GPC5: variants seen among roughly 807,000 people sequenced by gnomAD.
GPC5 encodes glypican 5, also known as glypican-5.
Under a neutral mutation model 53.9 loss-of-function variants are expected in GPC5, and 47 were observed. The ratio of observed to expected loss-of-function variants is 0.87; its 90% confidence interval spans 0.69 to 1.11. The LOEUF (loss-of-function observed/expected upper bound fraction) is 1.11. GPC5 is among the 50% of genes most tolerant of loss of function. The pLI is 0.00. For missense variants in GPC5, 748 were observed against 713.1 expected (o/e 1.05, Z -0.56); for synonymous variants, 286 against 263.3 (o/e 1.09, Z -0.84).
At chr13:92,241,406 G>A (rs1037145051) in intron 7 of GPC5, 2 of 152,150 alleles carry the variant, frequency 1.3e-5, no homozygotes, top group African/African-American at 4.8e-5. Context: ...AAAATTTTAT[G>A]AGCAAATGCT....
intron 7 of GPC5, among the ~76,000 whole-genome samples, chr13:92,342,770 C>G (rs1389032606): frequency 1.3e-5 from 2 of 151,972 alleles, no homozygotes; most frequent in Non-Finnish European, 2.9e-5. Flanking sequence ...TTCATTAATT[C>G]TCATTGTTTT....
intron 2 of GPC5, among the ~76,000 whole-genome samples, chr13:91,453,615 C>A (rs570783497): frequency 6.6e-6 from 1 of 151,638 alleles, no homozygotes; most frequent in South Asian, 2.1e-4. Context: ...AGAGAACAGG[C>A]AGCCTAGGCT....
chr13:92,556,008 T>C (rs1882482232), intron 7 of GPC5, among the ~76,000 whole-genome samples: 2 of 151,714 alleles, frequency 1.3e-5, no homozygotes, highest in Admixed American at 1.3e-4. Flanking sequence ...TGTGGCTGAA[T>C]CACTTTCAGT....
At chr13:92,559,684 C>T (rs1486724776) in intron 7 of GPC5, among the ~76,000 whole-genome samples, 2 of 151,652 alleles carry the variant, frequency 1.3e-5, no homozygotes, top group East Asian at 3.9e-4. Flanking sequence ...AAACTGGCCA[C>T]CCTGACTTAC....
At chr13:92,284,983 C>T (rs1240703677) in intron 7 of GPC5, among the ~76,000 whole-genome samples, 2 of 152,114 alleles carry the variant, frequency 1.3e-5, no homozygotes, top group Non-Finnish European at 2.9e-5. Flanking sequence ...GATTGTATAT[C>T]TAGATAACCC....
intron 2 of GPC5, among the ~76,000 whole-genome samples, chr13:91,667,013 A>G (rs992546918): frequency 2.0e-5 from 3 of 152,334 alleles, no homozygotes; most frequent in African/African-American, 4.8e-5. Context: ...TGGCTGTAGC[A>G]TTTCACCATA....
chr13:92,620,107 T>A (rs1449756763), intron 7 of GPC5, among the ~76,000 whole-genome samples: 1 of 152,132 alleles, frequency 6.6e-6, no homozygotes, highest in Non-Finnish European at 1.5e-5. Context: ...TTATTATTAA[T>A]CTTCCATACC....
chr13:92,113,679 T>C (rs2041576197), intron 6 of GPC5, among the ~76,000 whole-genome samples: 1 of 152,094 alleles, frequency 6.6e-6, no homozygotes, highest in East Asian at 1.9e-4. Flanking sequence ...AAATCATAAA[T>C]GAAATATCTA....
intron 2 of GPC5, among the ~76,000 whole-genome samples, chr13:91,629,180 A>G (rs1263823573): frequency 6.6e-6 from 1 of 152,136 alleles, no homozygotes; most frequent in Admixed American, 6.6e-5. Flanking sequence ...TGGGAGTACG[A>G]CAGGAATTAT....
chr13:92,499,003 C>G (rs1344377139), intron 7 of GPC5, among the ~76,000 whole-genome samples: 1 of 151,912 alleles, frequency 6.6e-6, no homozygotes, highest in Admixed American at 6.6e-5. Flanking sequence ...CTGAAAGATA[C>G]TAGAAACCTC....
intron 2 of GPC5, among the ~76,000 whole-genome samples, chr13:91,571,065 A>T (rs1039631654): frequency 6.6e-6 from 1 of 151,926 alleles, no homozygotes; most frequent in African/African-American, 2.4e-5. Flanking sequence ...TTCTTGTTGT[A>T]TTTGGCTTTA....
At chr13:92,293,314 ATTTG>A (rs1352852205) in intron 7 of GPC5, among the ~76,000 whole-genome samples, 1 of 148,218 alleles carries the variant, frequency 6.7e-6, no homozygotes, top group African/African-American at 2.5e-5. Context: ...ATGTGTTTCC[ATTTG>A]TTTGTGTCAT....
At chr13:92,559,471 A>G (rs901516108) in intron 7 of GPC5, among the ~76,000 whole-genome samples, 7 of 151,432 alleles carry the variant, frequency 4.6e-5, no homozygotes, top group African/African-American at 1.7e-4. Flanking sequence ...CCGCTACTCA[A>G]TTCTTAGAGG....
chr13:92,102,432 G>A (rs2041474618), intron 6 of GPC5, among the ~76,000 whole-genome samples: 2 of 152,160 alleles, frequency 1.3e-5, no homozygotes, highest in Non-Finnish European at 2.9e-5. Flanking sequence ...GTGGAAGTAA[G>A]TAGCAGTTGG....
Position 91,538,837 on chromosome 13 carries a change from C to T in GPC5, c.325+89915C>T, listed in dbSNP as rs184586613. 4.7e-5 allele frequency among the ~76,000 whole-genome samples: 7 copies of T among 148,428 alleles called. No homozygotes were observed. The East Asian group carries it at 7.8e-4, about 16-fold the overall frequency. ...GACCTCATGGTCCACCCCGCCCCCC[C>T]CTCAGCCTCCCAAAGTGCTGGGATT... On this transcript the variant is annotated intron_variant, in intron 2 of 7. Coordinates refer to ENST00000377067, the MANE Select transcript of GPC5 (RefSeq NM_004466.6).
chr13:92,357,855 T>C (rs2043535143), intron 7 of GPC5, among the ~76,000 whole-genome samples: 2 of 147,134 alleles, frequency 1.4e-5, no homozygotes, highest in African/African-American at 5.2e-5. Context: ...CACTGGGGAT[T>C]ACAATTTGAC....
At chr13:91,574,401 A>G (rs952273313) in intron 2 of GPC5, among the ~76,000 whole-genome samples, 1 of 152,168 alleles carries the variant, frequency 6.6e-6, no homozygotes, top group East Asian at 1.9e-4. Context: ...TCAAGCAAGT[A>G]CAAGTATCAG....
chr13:91,855,341 C>T (rs894802750), intron 5 of GPC5, among the ~76,000 whole-genome samples: 1 of 151,600 alleles, frequency 6.6e-6, no homozygotes, highest in South Asian at 2.1e-4. Flanking sequence ...GTTTAATCTA[C>T]CTTAAAGTAT....
intron 7 of GPC5, among the ~76,000 whole-genome samples, chr13:92,351,931 C>G (rs561343393): frequency 6.6e-6 from 1 of 151,902 alleles, no homozygotes. Flanking sequence ...ATCAAAATTC[C>G]GAAGTAATTA....
Sources: allele counts gnomAD v4.1 joint callset (sites outside exome capture counted in the v4.1 genomes callset), GRCh38; gene constraint gnomAD v4.1.1; transcripts MANE v1.5; gene names NCBI Gene and HGNC (gene_info 2026-07-23, HGNC 2026-07-21).